Variants in WDFY4 observed in about 807,000 individuals in gnomAD.
WDFY4 encodes the protein WDFY family member 4, also known as WD repeat- and FYVE domain-containing protein 4.
A neutral mutation model predicts 351.9 loss-of-function variants in WDFY4; 169 were observed. That is an observed-to-expected ratio of 0.48 (90% CI 0.42 to 0.55). WDFY4 has a LOEUF of 0.55. Among genes scored for constraint, WDFY4 ranks in the 20% least tolerant of loss-of-function variants. WDFY4 has a pLI of 0.00. For synonymous variants in WDFY4, 1,622 were observed against 1,574.6 expected (o/e 1.03, Z -0.71); for missense variants, 3,803 against 3,935.6 (o/e 0.97, Z 0.90).
chr10:48,686,932 G>C (rs1032909542), intron 1 of WDFY4, among the ~76,000 whole-genome samples: 2 of 152,138 alleles, frequency 1.3e-5, no homozygotes, highest in Non-Finnish European at 2.9e-5. Context: ...AGCCTTACTG[G>C]ATGTCACCAC....
chr10:48,753,513 A>G lies in WDFY4; in HGVS notation c.2460-6834A>G, dbSNP rs11814829. ...TTTGTTTTGGCTCTTATTGTAGATA[A>G]TTAATTCATTTTGAGTTAATTTTTG... is the stretch of plus-strand genomic sequence containing the variant. On this transcript the variant is annotated intron_variant, in intron 12 of 61. Coordinates refer to ENST00000325239, the MANE Select transcript of WDFY4 (RefSeq NM_001394531.1). Among the ~76,000 whole-genome samples the G allele has an allele frequency of 4.1e-3, 618 of 152,302 alleles. 5 individuals are homozygous for G. The highest frequency in any genetic ancestry group is 0.014 in the African/African-American group (587 of 41,570).
chr10:48,725,973 T>C lies in WDFY4; in HGVS notation c.684T>C (p.Leu228=), dbSNP rs1348779516. The C allele has an allele frequency of 2.6e-6, 4 of 1,551,628 alleles. No homozygotes were observed. The African/African-American group carries it at 5.5e-5, about 21-fold the overall frequency. Residue 228 remains leucine, a synonymous_variant, in exon 6 of 62, where the codon CTT becomes CTC. Coordinates refer to ENST00000325239, the MANE Select transcript of WDFY4 (RefSeq NM_001394531.1). ...CTCTGCTGATTGCCACGACCTGCCT[T>C]CGGGAGCACAGCTGCTGCTTCTGGA... ...LQSLLIATTC[L]REHSCCFWKE... is the part of the protein sequence containing the mutation.
At chr10:48,866,691 G>A (rs950656633) in intron 39 of WDFY4, among the ~76,000 whole-genome samples, 1 of 152,162 alleles carries the variant, frequency 6.6e-6, no homozygotes, top group Admixed American at 6.5e-5. Context: ...GTCATTCTTA[G>A]GAGGAAGGTT....
At chr10:48,827,342 A>G (rs61838883) in intron 36 of WDFY4, among the ~76,000 whole-genome samples, 29,718 of 151,528 alleles carry the variant, frequency 0.2, 3,990 homozygotes, top group African/African-American at 0.38. Context: ...TTACATATGC[A>G]TACAATGTAT....
intron 12 of WDFY4, among the ~76,000 whole-genome samples, chr10:48,756,789 G>T (rs1398908400): frequency 6.6e-6 from 1 of 152,040 alleles, no homozygotes; most frequent in African/African-American, 2.4e-5. Context: ...TTTACGGGTA[G>T]TCCAATTGGC....
intron 34 of WDFY4, among the ~76,000 whole-genome samples, chr10:48,821,487 C>A (rs1223648928): frequency 3.3e-5 from 5 of 152,230 alleles, no homozygotes; most frequent in Non-Finnish European, 7.3e-5. Flanking sequence ...TAAGGGAAAC[C>A]AAGATACCAC....
chr10:48,791,976 T>C (rs145542095), intron 23 of WDFY4, among the ~76,000 whole-genome samples: 29 of 152,290 alleles, frequency 1.9e-4, no homozygotes, highest in African/African-American at 6.7e-4. Flanking sequence ...GTCCCTCCTG[T>C]GTGTAAAACC....
intron 1 of WDFY4, among the ~76,000 whole-genome samples, chr10:48,698,477 G>A (rs749119629): frequency 6.6e-6 from 1 of 152,278 alleles, no homozygotes; most frequent in Non-Finnish European, 1.5e-5. Context: ...GTGGCCTCCC[G>A]GAGGAACAGT....
chr10:48,845,586 T>A (rs2068747809), intron 39 of WDFY4, among the ~76,000 whole-genome samples: 1 of 152,178 alleles, frequency 6.6e-6, no homozygotes, highest in Non-Finnish European at 1.5e-5. Flanking sequence ...CCCCTCCAGA[T>A]GCAAAGGATG....
At position 48,820,391 on chromosome 10, in the gene WDFY4, G is replaced by A. The variant is rs964890918; in HGVS notation, c.5663G>A (p.Gly1888Glu). 6.4e-7 allele frequency: 1 copy of A among 1,551,642 alleles called. No homozygotes were observed. The highest frequency in any genetic ancestry group is 8.7e-7 in the Non-Finnish European group (1 of 1,146,984). ...TQLLLRELLLGASSPKQWLPL... is the reference protein window; with the variant it reads ...TQLLLRELLLEASSPKQWLPL... The stretch of plus-strand genomic sequence containing the variant: ...CTCCTCTTGAGGGAGCTCCTGCTTG[G>A]AGCCTCCAGCCCCAAGCAGTGGCTG... The change falls in exon 33 of 62, where the codon GGA (glycine) becomes GAA (glutamate). Residue 1888 changes from glycine (G) to glutamate (E), a missense_variant. By Grantham distance (98) the Gly-to-Glu change is moderately conservative. Transcript: ENST00000325239.
chr10:48,873,675 C>G lies in WDFY4; in HGVS notation c.6926C>G (p.Ala2309Gly). 6.4e-7 allele frequency: 1 copy of G among 1,551,802 alleles called. No homozygotes were observed. The highest frequency in any genetic ancestry group is 8.7e-7 in the Non-Finnish European group (1 of 1,147,008). Residue 2309 changes from alanine to glycine, a missense_variant, in exon 41 of 62, where the codon GCC (alanine) becomes GGC (glycine). Physicochemically the swap from Ala to Gly is moderately conservative, Grantham distance 60. This residue lies in a region of WDFY4 where 3,054 missense variants were observed against 3,148.6 expected (regional missense o/e 0.97). Transcript: ENST00000325239. ...KRIKRLSPLE[A>G]LSSGRHKESQ... ...ATCAAACGCTTGTCTCCTTTGGAGG[C>G]CCTGAGCTCAGGAAGGCACAAGGTA... is the stretch of plus-strand genomic sequence containing the variant.
chr10:48,841,247 C>T (rs1407062196), intron 39 of WDFY4, among the ~76,000 whole-genome samples: 2 of 152,214 alleles, frequency 1.3e-5, no homozygotes, highest in African/African-American at 2.4e-5. Context: ...GTAATAAGTA[C>T]TATAAGACAC....
intron 5 of WDFY4, among the ~76,000 whole-genome samples, chr10:48,723,890 G>A (rs2064175275): frequency 6.6e-6 from 1 of 152,096 alleles, no homozygotes; most frequent in Non-Finnish European, 1.5e-5. Flanking sequence ...ACTGAGGCAT[G>A]GTGAGTGAGC....
At chr10:48,826,524 T>C (rs1437945327) in intron 35 of WDFY4, 147 bp from the exon 36 acceptor site, 4 of 607,502 alleles carry the variant, frequency 6.6e-6, no homozygotes, top group Admixed American at 3.0e-5. Flanking sequence ...GGTAGTTTAA[T>C]GGGAATAGCA....
chr10:48,705,135 G>T (rs1381407867), intron 1 of WDFY4, among the ~76,000 whole-genome samples: 1 of 152,218 alleles, frequency 6.6e-6, no homozygotes, highest in Non-Finnish European at 1.5e-5. Context: ...TCCAGACGTG[G>T]TGTCTGTTTA....
In WDFY4 at chr10:48,779,639, G is replaced by A. The variant is rs1456121319; in HGVS notation, c.3398-302G>A. On this transcript the variant is annotated intron_variant, in intron 18 of 61. Coordinates refer to ENST00000325239, the MANE Select transcript of WDFY4 (RefSeq NM_001394531.1). ...TTGAATCCTGGCTGTATGACCTTGGGCAAGTCACCCAACCTCTCTGTGCCT... is the reference window on the plus strand; with the variant it reads ...TTGAATCCTGGCTGTATGACCTTGGACAAGTCACCCAACCTCTCTGTGCCT... Among the ~76,000 whole-genome samples, 4 of 152,276 alleles carry A rather than the reference G, an allele frequency of 2.6e-5. No homozygotes were observed. The South Asian group carries it at 8.3e-4, about 32-fold the overall frequency.
At position 48,825,954 on chromosome 10, in the gene WDFY4, A is replaced by C. The variant is rs540299232; in HGVS notation, c.5983-717A>C. On this transcript the variant is annotated intron_variant, in intron 35 of 61. Coordinates refer to ENST00000325239, the MANE Select transcript of WDFY4 (RefSeq NM_001394531.1). ...TTATTTTGCTGTGCAGAAGCTCTTT[A>C]GTTTAACTAGATCCCATTGTCAATT... Among the ~76,000 whole-genome samples the C allele has an allele frequency of 2.0e-5, 3 of 152,184 alleles. No homozygotes were observed. In the East Asian group the frequency reaches 5.8e-4, roughly 29 times the overall value.
chr10:48,694,708 C>T (rs76954069), intron 1 of WDFY4, among the ~76,000 whole-genome samples: 2,802 of 152,264 alleles, frequency 0.018, 79 homozygotes, highest in African/African-American at 0.064. Context: ...CACTCAACCC[C>T]TGAGCCCCTG....
intron 39 of WDFY4, among the ~76,000 whole-genome samples, chr10:48,843,673 C>A (rs532179765): frequency 6.6e-6 from 1 of 152,076 alleles, no homozygotes; most frequent in Non-Finnish European, 1.5e-5. Flanking sequence ...TTTTGAAAAT[C>A]GAATGTAGTT....
Sources: gnomAD v4.1 joint callset for allele counts (sites outside exome capture counted in the v4.1 genomes callset) on GRCh38, gnomAD v4.1.1 for gene constraint, gnomAD v4.1.1 regional missense constraint, MANE v1.5 for transcripts, NCBI Gene and HGNC (gene_info 2026-07-23, HGNC 2026-07-21) for gene names.